CDH18: variants seen among roughly 807,000 people sequenced by gnomAD.
CDH18 encodes cadherin-18.
CDH18 carries 31 observed loss-of-function variants against 67.9 expected under a neutral mutation model. The observed-to-expected ratio is 0.46, with a 90% confidence interval of 0.34 to 0.62. The LOEUF is 0.62. Among genes scored for constraint, CDH18 ranks in the 20% least tolerant of loss-of-function variants. The pLI is 0.01. For synonymous variants in CDH18, 362 were observed against 347.2 expected (o/e 1.04, Z -0.48); for missense variants, 890 against 975.5 (o/e 0.91, Z 1.17).
chr5:19,763,142 A>G (rs534925947), intron 3 of CDH18, among the ~76,000 whole-genome samples: 20 of 152,274 alleles, frequency 1.3e-4, no homozygotes, highest in Admixed American at 1.3e-3. Flanking sequence ...AGAAATACCT[A>G]ATGTAAATGA....
intron 1 of CDH18, among the ~76,000 whole-genome samples, chr5:20,332,892 A>G (rs1185009048): frequency 6.6e-6 from 1 of 152,032 alleles, no homozygotes; most frequent in Admixed American, 6.6e-5. Flanking sequence ...TCACATACAC[A>G]CCCACACTCA....
At chr5:20,406,307 A>T (rs1211335085) in intron 1 of CDH18, among the ~76,000 whole-genome samples, 1 of 152,132 alleles carries the variant, frequency 6.6e-6, no homozygotes, top group Non-Finnish European at 1.5e-5. Flanking sequence ...GCTGGAAACC[A>T]TCATTCTCAG....
chr5:19,846,666 C>G lies in CDH18; in HGVS notation c.-256-7424G>C, dbSNP rs981245196. On this transcript the variant is annotated intron_variant, in intron 2 of 12. Coordinates refer to ENST00000382275, the MANE Select transcript of CDH18 (RefSeq NM_004934.5). ...ACCAACTGCTGGACTTGATTACATG[C>G]AGATTTTGGTATAAACAGGGGTCCT... Among the ~76,000 whole-genome samples the G allele has an allele frequency of 5.1e-4, 77 of 152,182 alleles. 1 individual carries two copies. Among genetic ancestry groups the G allele is most frequent in the African/African-American group, 1.8e-3 (75 of 41,554 alleles).
rs945628905 is a variant in CDH18, at chr5:19,485,579, T to C, written c.1631-2027A>G. Among the ~76,000 whole-genome samples, 6 of 152,096 alleles carry C rather than the reference T, an allele frequency of 3.9e-5. 1 individual carries two copies. The highest frequency in any genetic ancestry group is 2.6e-4 in the Admixed American group (4 of 15,256). On this transcript the variant is annotated intron_variant, in intron 11 of 12. Coordinates refer to ENST00000382275, the MANE Select transcript of CDH18 (RefSeq NM_004934.5). The stretch of plus-strand genomic sequence containing the variant: ...CAGCTGTCTATTTTTAAACATGTTA[T>C]AGGATAGAGAAAGAAGTGGAGAAAT...
At chr5:19,976,431 T>C (rs190469483) in intron 2 of CDH18, among the ~76,000 whole-genome samples, 2 of 152,182 alleles carry the variant, frequency 1.3e-5, no homozygotes, top group Admixed American at 1.3e-4. Flanking sequence ...GTGGACACAG[T>C]AGTAAACTAA....
intron 8 of CDH18, among the ~76,000 whole-genome samples, chr5:19,557,115 C>G (rs1308954675): frequency 6.6e-6 from 1 of 152,034 alleles, no homozygotes; most frequent in East Asian, 1.9e-4. Context: ...CAAGCCAGCA[C>G]TACAAGAACT....
chr5:19,676,777 T>C (rs193211960), intron 5 of CDH18, among the ~76,000 whole-genome samples: 1 of 151,922 alleles, frequency 6.6e-6, no homozygotes, highest in Admixed American at 6.6e-5. Context: ...ACACTGTGCA[T>C]GCAGGCAGCC....
intron 1 of CDH18, among the ~76,000 whole-genome samples, chr5:20,275,957 T>C (rs116243745): frequency 0.011 from 1,708 of 152,264 alleles, 34 homozygotes; most frequent in African/African-American, 0.039. Context: ...CTGGGCAGAA[T>C]TCTGCTGGGT....
chr5:20,269,081 G>T (rs1351816409), intron 1 of CDH18, among the ~76,000 whole-genome samples: 1 of 152,088 alleles, frequency 6.6e-6, no homozygotes, highest in African/African-American at 2.4e-5. Flanking sequence ...GATAAGAATA[G>T]ATATTTTTTA....
intron 1 of CDH18, among the ~76,000 whole-genome samples, chr5:20,414,759 C>T (rs897720370): frequency 6.6e-5 from 10 of 152,036 alleles, no homozygotes; most frequent in African/African-American, 2.4e-4. Flanking sequence ...CAAATCAAAA[C>T]CATAATGAGA....
chr5:19,746,142 A>T (rs1769968925), intron 4 of CDH18, among the ~76,000 whole-genome samples: 1 of 152,174 alleles, frequency 6.6e-6, no homozygotes, highest in Admixed American at 6.5e-5. Context: ...CTTTTTAAAA[A>T]ATCATCCCAT....
chr5:20,519,626 T>C (rs1330149959), intron 1 of CDH18, among the ~76,000 whole-genome samples: 1 of 151,864 alleles, frequency 6.6e-6, no homozygotes, highest in African/African-American at 2.4e-5. Context: ...ATAATAATAA[T>C]AAAATAAAAT....
intron 2 of CDH18, among the ~76,000 whole-genome samples, chr5:20,078,759 C>A (rs145883397): frequency 6.6e-6 from 1 of 151,718 alleles, no homozygotes; most frequent in Non-Finnish European, 1.5e-5. Flanking sequence ...CCTGCCACCA[C>A]GCCCAGCTAA....
At position 20,549,521 on chromosome 5, in the gene CDH18, G is replaced by A. The variant is rs532472752; in HGVS notation, c.-580+25941C>T. On this transcript the variant is annotated intron_variant, in intron 1 of 14. Coordinates refer to the CDH18 transcript ENST00000507958. ...GTAGGTTATAGAGGAAAGCACGGCC[G>A]AAATAACAGAGAATATTATATTTAA... is the stretch of plus-strand genomic sequence containing the variant. Among the ~76,000 whole-genome samples the A allele has an allele frequency of 1.8e-4, 27 of 152,246 alleles. 1 individual carries two copies. In the East Asian group the frequency reaches 2.3e-3, roughly 13 times the overall value.
intron 5 of CDH18, among the ~76,000 whole-genome samples, chr5:19,650,792 C>T (rs1755464970): frequency 6.6e-6 from 1 of 151,930 alleles, no homozygotes; most frequent in Non-Finnish European, 1.5e-5. Context: ...CACAAATGTA[C>T]TAGGGAAGAA....
intron 5 of CDH18, among the ~76,000 whole-genome samples, chr5:19,686,656 A>C (rs1227710143): frequency 6.6e-6 from 1 of 152,114 alleles, no homozygotes; most frequent in Non-Finnish European, 1.5e-5. Context: ...TTTGTGGCAA[A>C]TGTGTTTTGT....
chr5:20,116,413 A>G (rs1255792495), intron 2 of CDH18, among the ~76,000 whole-genome samples: 2 of 151,968 alleles, frequency 1.3e-5, no homozygotes, highest in African/African-American at 4.8e-5. Flanking sequence ...GCTACTTGGG[A>G]GGCTGAGACG....
chr5:19,883,327 C>T (rs1382519160), intron 2 of CDH18, among the ~76,000 whole-genome samples: 1 of 152,086 alleles, frequency 6.6e-6, no homozygotes. Flanking sequence ...TCTGTGATAC[C>T]GTTAGAGTAG....
At chr5:20,149,006 A>C (rs1397301893) in intron 2 of CDH18, among the ~76,000 whole-genome samples, 1 of 152,114 alleles carries the variant, frequency 6.6e-6, no homozygotes, top group Non-Finnish European at 1.5e-5. Context: ...TAATAAATCT[A>C]GTTGCTATTT....
Sources: allele counts gnomAD v4.1 joint callset (sites outside exome capture counted in the v4.1 genomes callset), GRCh38; gene constraint gnomAD v4.1.1; transcripts MANE v1.5; gene names NCBI Gene and HGNC (gene_info 2026-07-23, HGNC 2026-07-21).